Variants in ZFHX3 observed in about 807,000 individuals in gnomAD.
ZFHX3 encodes zinc finger homeobox protein 3.
Under a neutral mutation model 279.1 loss-of-function variants are expected in ZFHX3, and 42 were observed. The ratio of observed to expected loss-of-function variants is 0.15; its 90% CI spans 0.12 to 0.19. ZFHX3 has a LOEUF of 0.19. Among genes scored for constraint, ZFHX3 ranks in the 10% least tolerant of loss-of-function variants. ZFHX3 has a pLI of 1.00. For synonymous variants in ZFHX3, 2,293 were observed against 1,957.8 expected (o/e 1.17, Z -4.52); for missense variants, 4,981 against 4,754.0 (o/e 1.05, Z -1.40).
intron 1 of ZFHX3, among the ~76,000 whole-genome samples, chr16:73,037,331 T>C (rs956416711): frequency 1.3e-5 from 2 of 152,136 alleles, no homozygotes; most frequent in Non-Finnish European, 2.9e-5. Flanking sequence ...GAAAAGCGGT[T>C]TTTAGGGAAT....
At position 73,879,780 on chromosome 16, in the gene ZFHX3, T is replaced by C. The variant is rs2030082408; in HGVS notation, c.-1608+11871A>G. 1.3e-5 allele frequency among the ~76,000 whole-genome samples: 2 copies of C among 152,002 alleles called. 1 individual carries two copies. Among genetic ancestry groups the C allele is most frequent in the South Asian group, 4.2e-4 (2 of 4,814 alleles). ...GGGCCAGATAATTACTGTAGGATGG[T>C]GAGCAGTGTCCCTGGCTTCTACCCA... On this transcript the variant is annotated intron_variant, in intron 1 of 17. Coordinates refer to the ZFHX3 transcript ENST00000641206.
intron 2 of ZFHX3, among the ~76,000 whole-genome samples, chr16:73,653,094 T>A (rs1461165646): frequency 1.3e-5 from 2 of 152,266 alleles, no homozygotes; most frequent in African/African-American, 4.8e-5. Context: ...AGCAAAAGTA[T>A]AGATTTTAAA....
intron 3 of ZFHX3, among the ~76,000 whole-genome samples, chr16:73,397,833 C>A (rs949771392): frequency 2.6e-5 from 4 of 151,854 alleles, no homozygotes; most frequent in African/African-American, 9.7e-5. Flanking sequence ...CATCAAGAGG[C>A]CTGTTTTGTT....
intron 1 of ZFHX3, among the ~76,000 whole-genome samples, chr16:73,768,781 A>G (rs2053983193): frequency 6.6e-6 from 1 of 152,198 alleles, no homozygotes; most frequent in Non-Finnish European, 1.5e-5. Flanking sequence ...GGATTTTATC[A>G]TCCATGCCAA....
chr16:72,946,224 C>A (rs1960667208), intron 3 of ZFHX3, among the ~76,000 whole-genome samples: 1 of 152,194 alleles, frequency 6.6e-6, no homozygotes, highest in African/African-American at 2.4e-5. Context: ...CCACACTCTG[C>A]CTCCTACCTC....
chr16:73,392,148 A>C (rs1165402110), intron 3 of ZFHX3, among the ~76,000 whole-genome samples: 2 of 152,046 alleles, frequency 1.3e-5, no homozygotes, highest in Non-Finnish European at 2.9e-5. Context: ...GGCCAGGCGC[A>C]GTGGCTCATG....
chr16:73,799,179 T>A (rs1447104709), intron 1 of ZFHX3, among the ~76,000 whole-genome samples: 1 of 152,076 alleles, frequency 6.6e-6, no homozygotes, highest in Non-Finnish European at 1.5e-5. Context: ...TAAGAAACAT[T>A]CCACCTCCCC....
At chr16:73,749,426 T>A (rs1264321981) in intron 1 of ZFHX3, among the ~76,000 whole-genome samples, 1 of 152,100 alleles carries the variant, frequency 6.6e-6, no homozygotes, top group Non-Finnish European at 1.5e-5. Flanking sequence ...TATAGACCCA[T>A]CTCATCTGTA....
At chr16:73,152,044 G>A (rs189524045) in intron 5 of ZFHX3, among the ~76,000 whole-genome samples, 1 of 151,384 alleles carries the variant, frequency 6.6e-6, no homozygotes, top group Admixed American at 6.6e-5. Context: ...AGACACGCAA[G>A]CTTCCATCCC....
chr16:73,309,938 T>C (rs1372080497), intron 4 of ZFHX3, among the ~76,000 whole-genome samples: 2 of 131,740 alleles, frequency 1.5e-5, no homozygotes, highest in African/African-American at 5.7e-5. Flanking sequence ...AGATGGAGTC[T>C]CACTCTGTAA....
chr16:73,083,864 C>T (rs1965978102), intron 8 of ZFHX3, among the ~76,000 whole-genome samples: 1 of 152,126 alleles, frequency 6.6e-6, no homozygotes, highest in South Asian at 2.1e-4. Flanking sequence ...GAGAAGATTC[C>T]ACAGATACCC....
chr16:73,817,180 G>A (rs1463586906), intron 1 of ZFHX3, among the ~76,000 whole-genome samples: 1 of 152,146 alleles, frequency 6.6e-6, no homozygotes, highest in African/African-American at 2.4e-5. Context: ...TAGTGCATAC[G>A]ATTTCTTGAG....
At chr16:72,961,306 G>T (rs945989025) in intron 1 of ZFHX3, among the ~76,000 whole-genome samples, 1 of 152,178 alleles carries the variant, frequency 6.6e-6, no homozygotes, top group Admixed American at 6.5e-5. Context: ...TTCCATTTCC[G>T]ACTCCAAAGT....
chr16:73,313,106 C>A (rs965603685), intron 4 of ZFHX3, among the ~76,000 whole-genome samples: 1 of 152,078 alleles, frequency 6.6e-6, no homozygotes, highest in South Asian at 2.1e-4. Flanking sequence ...CGAGTTGTCC[C>A]GAGATCTGAT....
chr16:73,683,754 G>C (rs1339591989), intron 1 of ZFHX3, among the ~76,000 whole-genome samples: 1 of 152,144 alleles, frequency 6.6e-6, no homozygotes, highest in African/African-American at 2.4e-5. Flanking sequence ...TTAAGCCTCA[G>C]AGTTGAAACT....
At chr16:73,148,114 C>T (rs538804645) in intron 5 of ZFHX3, among the ~76,000 whole-genome samples, 2 of 152,282 alleles carry the variant, frequency 1.3e-5, no homozygotes, top group South Asian at 2.1e-4. Context: ...TGGAACGCAG[C>T]CACACTCATT....
intron 1 of ZFHX3, among the ~76,000 whole-genome samples, chr16:73,710,648 GT>G (rs925099871): frequency 1.9e-4 from 29 of 152,168 alleles, no homozygotes; most frequent in African/African-American, 6.5e-4. Context: ...ACTGACAAAG[GT>G]GGCTTTCCAG....
intron 2 of ZFHX3, among the ~76,000 whole-genome samples, chr16:73,648,566 G>A (rs1023564309): frequency 3.3e-5 from 5 of 151,728 alleles, no homozygotes; most frequent in Admixed American, 6.6e-5. Context: ...ATTTTTGTTT[G>A]TTTGTTTGTT....
At chr16:73,434,929 G>A (rs367950576) in intron 3 of ZFHX3, among the ~76,000 whole-genome samples, 34 of 152,302 alleles carry the variant, frequency 2.2e-4, no homozygotes, top group African/African-American at 7.7e-4. Flanking sequence ...TACTAGAGTC[G>A]TGGGGTGGAT....
Sources: gnomAD v4.1 joint callset for allele counts (sites outside exome capture counted in the v4.1 genomes callset) on GRCh38, gnomAD v4.1.1 for gene constraint, MANE v1.5 for transcripts, NCBI Gene and HGNC (gene_info 2026-07-23, HGNC 2026-07-21) for gene names.